ELMO1: variants seen among roughly 807,000 people sequenced by gnomAD.
The protein encoded by ELMO1 is engulfment and cell motility 1, also known as engulfment and cell motility protein 1.
ELMO1 carries 26 observed loss-of-function variants against 98.9 expected under a neutral mutation model. That is an observed-to-expected ratio of 0.26 (90% confidence interval 0.19 to 0.36). The LOEUF (loss-of-function observed/expected upper bound fraction) is 0.36. ELMO1 is among the 10% of genes least tolerant of loss of function. ELMO1 has a pLI of 1.00. For synonymous variants in ELMO1, 346 were observed against 346.0 expected (o/e 1.00, Z 0.00); for missense variants, 627 against 935.2 (o/e 0.67, Z 4.30).
chr7:37,124,762 C>T (rs1584685108), intron 14 of ELMO1, among the ~76,000 whole-genome samples: 1 of 149,948 alleles, frequency 6.7e-6, no homozygotes, highest in African/African-American at 2.5e-5. Context: ...CAATGACTTT[C>T]TTCACAGAAT....
intron 15 of ELMO1, among the ~76,000 whole-genome samples, chr7:37,030,685 C>A (rs1794832759): frequency 6.6e-6 from 1 of 152,138 alleles, no homozygotes; most frequent in Non-Finnish European, 1.5e-5. Flanking sequence ...GTTCTTCTTC[C>A]CAATCTCCTT....
chr7:37,202,018 G>A lies in ELMO1; in HGVS notation c.1086+9368C>T, dbSNP rs142187536. Among the ~76,000 whole-genome samples the A allele has an allele frequency of 6.7e-3, 1,023 of 152,306 alleles. 5 individuals carry two copies. Among genetic ancestry groups the A allele is most frequent in the Non-Finnish European group, 0.011 (731 of 68,026 alleles). On this transcript the variant is annotated intron_variant, in intron 13 of 21. Transcript: ENST00000310758. The stretch of plus-strand genomic sequence containing the variant: ...ACCCATGTCCCCCAAGGATCCTTCA[G>A]GTGAAAGGGGCTGACTGGGTCTGGT...
intron 11 of ELMO1, 131 bp from the exon 12 acceptor site, chr7:37,213,588 A>C: frequency 1.3e-6 from 1 of 767,706 alleles, no homozygotes; most frequent in South Asian, 2.2e-5. Context: ...GTGAGGGCAC[A>C]GGGAATTTCA....
chr7:37,233,219 A>G, intron 7 of ELMO1, 25 bp from the exon 8 acceptor site: 1 of 1,596,940 alleles, frequency 6.3e-7, no homozygotes, highest in African/African-American at 1.4e-5. Context: ...GAGGCACAAG[A>G]GTCAAGAGCC....
chr7:37,228,863 G>A (rs1220409614), intron 8 of ELMO1, among the ~76,000 whole-genome samples: 1 of 152,026 alleles, frequency 6.6e-6, no homozygotes, highest in Admixed American at 6.6e-5. Context: ...GTGGTGGTGG[G>A]CTCCTGTAGT....
rs138494354 is a variant in ELMO1 at position 37,367,312 on chromosome 7, C to T, written c.-73-24549G>A. 4.2e-3 allele frequency among the ~76,000 whole-genome samples: 644 copies of T among 152,290 alleles called. 7 individuals carry two copies. The highest frequency in any genetic ancestry group is 0.015 in the African/African-American group (622 of 41,558). ...CTCTCCCACTCACTCCTTTACTCAC[C>T]GCATCACTACCTTGCAATGTTACAC... is the stretch of plus-strand genomic sequence containing the variant. On this transcript the variant is annotated intron_variant, in intron 1 of 21. Transcript: ENST00000310758.
intron 16 of ELMO1, among the ~76,000 whole-genome samples, chr7:36,903,910 T>C (rs1225648337): frequency 4.6e-5 from 7 of 152,214 alleles, no homozygotes; most frequent in Non-Finnish European, 7.3e-5. Flanking sequence ...GACAGTCAGA[T>C]TGGCGGACAG....
At chr7:37,194,040 C>A (rs1253834486) in intron 13 of ELMO1, among the ~76,000 whole-genome samples, 1 of 152,188 alleles carries the variant, frequency 6.6e-6, no homozygotes, top group Non-Finnish European at 1.5e-5. Context: ...CCAGAACAAG[C>A]ACAGAACTTG....
At chr7:37,246,785 T>C (rs919884825) in intron 6 of ELMO1, among the ~76,000 whole-genome samples, 11 of 152,194 alleles carry the variant, frequency 7.2e-5, no homozygotes, top group Non-Finnish European at 1.2e-4. Flanking sequence ...GATAGATAGA[T>C]AGATAAACAG....
At chr7:37,201,444 G>A (rs1053169584) in intron 13 of ELMO1, among the ~76,000 whole-genome samples, 3 of 152,134 alleles carry the variant, frequency 2.0e-5, no homozygotes, top group Non-Finnish European at 2.9e-5. Context: ...TCATGACAGA[G>A]TAAGGAAAAA....
chr7:37,434,293 G>A (rs141927739), intron 1 of ELMO1, among the ~76,000 whole-genome samples: 3 of 152,254 alleles, frequency 2.0e-5, no homozygotes, highest in East Asian at 1.9e-4. Context: ...CTGGGACCAC[G>A]TGCACTGGGA....
At chr7:37,060,564 G>T (rs551178151) in intron 15 of ELMO1, among the ~76,000 whole-genome samples, 1 of 151,946 alleles carries the variant, frequency 6.6e-6, no homozygotes, top group African/African-American at 2.4e-5. Flanking sequence ...ATGCCAACTG[G>T]GTGACACTGG....
chr7:37,409,118 A>G (rs17260962), intron 1 of ELMO1, among the ~76,000 whole-genome samples: 26,832 of 146,554 alleles, frequency 0.18, 2,525 homozygotes, highest in South Asian at 0.26. Context: ...GACACACAGC[A>G]GAGTTTTGCA....
intron 13 of ELMO1, among the ~76,000 whole-genome samples, chr7:37,185,696 A>G (rs1164692125): frequency 3.3e-5 from 5 of 152,250 alleles, no homozygotes; most frequent in African/African-American, 1.2e-4. Context: ...GATCATTTAT[A>G]TAGGTCTACT....
intron 13 of ELMO1, among the ~76,000 whole-genome samples, chr7:37,154,006 TACCC>T: frequency 6.6e-6 from 1 of 152,140 alleles, no homozygotes; most frequent in Admixed American, 6.5e-5. Flanking sequence ...CCAGGGGTGT[TACCC>T]AGGCAAAAAG....
chr7:37,403,933 C>T (rs926778207), intron 1 of ELMO1, among the ~76,000 whole-genome samples: 14 of 152,042 alleles, frequency 9.2e-5, no homozygotes, highest in African/African-American at 3.4e-4. Context: ...ATAATGGATA[C>T]TAGTTTAATT....
chr7:37,271,810 T>TC, intron 5 of ELMO1, 22 bp downstream of exon 5: 1 of 1,612,448 alleles, frequency 6.2e-7, no homozygotes, highest in East Asian at 2.2e-5. Context: ...TTGCTGGAAG[T>TC]CAGAAGCTAA....
intron 16 of ELMO1, among the ~76,000 whole-genome samples, chr7:36,945,825 A>G (rs1787434289): frequency 1.3e-5 from 2 of 152,264 alleles, no homozygotes; most frequent in South Asian, 2.1e-4. Context: ...ACTCCATCCA[A>G]TTTTCTTTTC....
chr7:37,310,859 T>C (rs1798854323), intron 4 of ELMO1, among the ~76,000 whole-genome samples: 2 of 152,170 alleles, frequency 1.3e-5, no homozygotes, highest in Admixed American at 6.5e-5. Context: ...CTCACTTTTC[T>C]CGTAAAATGA....
Sources: gnomAD v4.1 joint callset for allele counts (sites outside exome capture counted in the v4.1 genomes callset) on GRCh38, gnomAD v4.1.1 for gene constraint, MANE v1.5 for transcripts, NCBI Gene and HGNC (gene_info 2026-07-23, HGNC 2026-07-21) for gene names.